OTUD7B: variants seen among roughly 807,000 people sequenced by gnomAD.
OTUD7B encodes the protein OTU deubiquitinase 7B.
OTUD7B carries 34 observed loss-of-function variants against 82.2 expected under a neutral mutation model. That is an observed-to-expected ratio of 0.41 (90% CI 0.31 to 0.55). The LOEUF (loss-of-function observed/expected upper bound fraction) is 0.55, where lower values mean the gene tolerates loss of function less well. Among genes scored for constraint, OTUD7B ranks in the 20% least tolerant of loss-of-function variants. OTUD7B has a pLI of 0.20. For synonymous variants in OTUD7B, 398 were observed against 402.7 expected (o/e 0.99, Z 0.14); for missense variants, 944 against 1,062.1 (o/e 0.89, Z 1.55).
At chr1:149,956,998 A>G (rs1353372706) in intron 7 of OTUD7B, among the ~76,000 whole-genome samples, 1 of 151,960 alleles carries the variant, frequency 6.6e-6, no homozygotes, top group African/African-American at 2.4e-5. Flanking sequence ...TTTAGCTCAG[A>G]GTTTGTTATT....
At chr1:149,987,403 T>G (rs1651226776) in intron 1 of OTUD7B, among the ~76,000 whole-genome samples, 1 of 152,252 alleles carries the variant, frequency 6.6e-6, no homozygotes, top group Non-Finnish European at 1.5e-5. Flanking sequence ...ATCCCAGAGC[T>G]ACTATTTAAG....
rs755526197 is a variant in OTUD7B, at chr1:149,942,204, C to G, written c.*1653G>C. On this transcript the variant is annotated 3_prime_UTR_variant, in exon 12 of 12. Coordinates refer to ENST00000581312, the MANE Select transcript of OTUD7B (RefSeq NM_020205.4). ...TGAGTACATACCTCAAAAGAGAAAT[C>G]CAAACACAGAAAAACAGCCCCAGTT... 2.6e-5 allele frequency: 4 copies of G among 152,590 alleles called. No individual in the cohort carries two copies. Among genetic ancestry groups the G allele is most frequent in the Non-Finnish European group, 5.9e-5 (4 of 68,058 alleles). The allele number at this position is 152,590 out of a possible 1,614,324, so 9.5% of individuals were successfully genotyped here. A position where few individuals can be genotyped will look rare whatever the true frequency, so the allele number is the denominator to read the frequency against.
chr1:150,000,880 G>A (rs1237403533), intron 1 of OTUD7B, among the ~76,000 whole-genome samples: 1 of 152,100 alleles, frequency 6.6e-6, no homozygotes, highest in African/African-American at 2.4e-5. Flanking sequence ...TCGGGAGGCT[G>A]AGGCAAGAGA....
chr1:150,020,120 C>G, the OTUD7B span, among the ~76,000 whole-genome samples: 3 of 151,946 alleles, frequency 2.0e-5, no homozygotes, highest in Non-Finnish European at 4.4e-5. Context: ...GGAGTGAAAC[C>G]CTGTCTCAAA....
chr1:150,066,640 C>T, the OTUD7B span, among the ~76,000 whole-genome samples: 1,309 of 152,260 alleles, frequency 8.6e-3, 20 homozygotes, highest in African/African-American at 0.03. The surrounding 1 kb of genome is among the most constrained non-coding windows in gnomAD (Gnocchi z 4.6). Context: ...AATCTATTGA[C>T]CTCACAAACA....
intron 5 of OTUD7B, among the ~76,000 whole-genome samples, chr1:149,965,464 A>T (rs1649463477): frequency 6.6e-6 from 1 of 152,224 alleles, no homozygotes; most frequent in African/African-American, 2.4e-5. Context: ...TATTAAGTAG[A>T]ATTGTACACA....
chr1:150,064,005 A>T, the OTUD7B span, among the ~76,000 whole-genome samples: 34 of 152,320 alleles, frequency 2.2e-4, no homozygotes, highest in African/African-American at 7.9e-4. Flanking sequence ...GTCTTAATGG[A>T]AATTATATTT....
intron 1 of OTUD7B, among the ~76,000 whole-genome samples, chr1:149,986,164 A>G (rs1477660047): frequency 6.6e-6 from 1 of 151,674 alleles, no homozygotes; most frequent in African/African-American, 2.4e-5. Context: ...TGTTCATCCA[A>G]TATTCCCCAG....
At chr1:149,992,196 G>C (rs1212845937) in intron 1 of OTUD7B, among the ~76,000 whole-genome samples, 2 of 152,112 alleles carry the variant, frequency 1.3e-5, no homozygotes, top group Non-Finnish European at 2.9e-5. Context: ...CTGCACTCCA[G>C]CCTGGCGACA....
the OTUD7B span, among the ~76,000 whole-genome samples, chr1:150,028,961 T>TC: frequency 6.6e-6 from 1 of 152,212 alleles, no homozygotes; most frequent in Non-Finnish European, 1.5e-5. Flanking sequence ...AGAATTTCCT[T>TC]CCTTTTTAAG....
the OTUD7B span, among the ~76,000 whole-genome samples, chr1:150,050,329 GA>G: frequency 6.6e-6 from 1 of 151,920 alleles, no homozygotes; most frequent in African/African-American, 2.4e-5. Context: ...ACAATAAAAA[GA>G]AGATAGCACT....
the OTUD7B span, chr1:150,054,508 C>G: frequency 2.1e-6 from 1 of 483,974 alleles, no homozygotes; most frequent in Non-Finnish European, 4.1e-6. Context: ...CTGATACTTA[C>G]TTCAAGAAGA....
intron 7 of OTUD7B, 27 bp downstream of exon 7, chr1:149,959,657 C>T (rs782642334): frequency 2.1e-6 from 3 of 1,407,016 alleles, no homozygotes; most frequent in Admixed American, 1.7e-5. Flanking sequence ...ATGCAGGTTT[C>T]CTCCTCCCCT....
Position 149,988,758 on chromosome 1 carries a change from T to C in OTUD7B, c.-66-11182A>G, listed in dbSNP as rs116979186. 5.9e-4 allele frequency among the ~76,000 whole-genome samples: 90 copies of C among 152,288 alleles called. No homozygotes were observed. The East Asian group carries it at 0.011, about 19-fold the overall frequency. On this transcript the variant is annotated intron_variant, in intron 1 of 11. Transcript: ENST00000581312. ...CACACAATGAACTGTTTTATTCCTT[T>C]CAACTAAGGCCAAGGATAGTCCAAG...
chr1:150,029,170 A>G, the OTUD7B span, among the ~76,000 whole-genome samples: 1 of 152,202 alleles, frequency 6.6e-6, no homozygotes, highest in Admixed American at 6.5e-5. Context: ...CCAAATCTCA[A>G]AAGATACCAG....
intron 1 of OTUD7B, among the ~76,000 whole-genome samples, chr1:149,991,659 G>C (rs988538868): frequency 1.4e-4 from 22 of 152,102 alleles, no homozygotes; most frequent in Non-Finnish European, 2.2e-4. Flanking sequence ...GAGATTAAGT[G>C]ACTTGTCCAA....
intron 1 of OTUD7B, among the ~76,000 whole-genome samples, chr1:149,993,248 T>A (rs1651713790): frequency 6.6e-6 from 1 of 152,230 alleles, no homozygotes; most frequent in Non-Finnish European, 1.5e-5. Flanking sequence ...CCTCTTCCCC[T>A]GAGGAAGGCC....
At chr1:150,005,506 C>T (rs993261456) in intron 1 of OTUD7B, among the ~76,000 whole-genome samples, 1 of 148,842 alleles carries the variant, frequency 6.7e-6, no homozygotes, top group South Asian at 2.1e-4. Context: ...AAATAATAAT[C>T]CTGTGCTCGT....
In OTUD7B at chr1:149,978,492, G is replaced by C. The variant is rs373169577; in HGVS notation, c.-66-916C>G. Reference sequence around the variant, plus strand: ...CCACTTCACTCCAGCCTGGTCAAAAGAGCGACTGTCTCAAAAAACTAACTT... The same window carrying C: ...CCACTTCACTCCAGCCTGGTCAAAACAGCGACTGTCTCAAAAAACTAACTT... On this transcript the variant is annotated intron_variant, in intron 1 of 11. Transcript: ENST00000581312. 2.4e-4 allele frequency among the ~76,000 whole-genome samples: 37 copies of C among 152,290 alleles called. No individual in the cohort carries two copies. The East Asian group carries it at 5.0e-3, about 21-fold the overall frequency.
Sources: gnomAD v4.1 joint callset for allele counts (sites outside exome capture counted in the v4.1 genomes callset) on GRCh38, gnomAD v4.1.1 for gene constraint, Gnocchi (gnomAD v3.1) non-coding constraint, MANE v1.5 for transcripts, NCBI Gene and HGNC (gene_info 2026-07-23, HGNC 2026-07-21) for gene names.